The following PAK1 variants were observed in gnomAD, a reference collection of about 807,000 sequenced individuals.
PAK1 encodes the protein serine/threonine-protein kinase PAK 1.
Under a neutral mutation model 67.4 loss-of-function variants are expected in PAK1, and 29 were observed. The observed-to-expected ratio is 0.43, with a 90% CI of 0.32 to 0.59. The LOEUF (loss-of-function observed/expected upper bound fraction) is 0.59. PAK1 is among the 20% of genes least tolerant of loss of function. The probability of loss-of-function intolerance (pLI) is 0.07; values close to 1 mark genes in which losing one functional copy is unlikely to be tolerated. For synonymous variants in PAK1, 223 were observed against 237.4 expected (o/e 0.94, Z 0.56); for missense variants, 337 against 670.7 (o/e 0.50, Z 5.50).
intron 1 of PAK1, among the ~76,000 whole-genome samples, chr11:77,464,048 AAT>A (rs1408234730): frequency 6.6e-6 from 1 of 152,266 alleles, no homozygotes; most frequent in Admixed American, 6.5e-5. Flanking sequence ...ATAAAAAGTT[AAT>A]GAGTTATTTT....
intron 12 of PAK1, 46 bp downstream of exon 12, chr11:77,337,278 G>A: frequency 2.1e-6 from 2 of 948,808 alleles, no homozygotes; most frequent in South Asian, 1.4e-5. Context: ...AGGAGACAGG[G>A]CCCCACAGGC....
At chr11:77,408,762 A>G (rs900068468) in intron 1 of PAK1, among the ~76,000 whole-genome samples, 1 of 152,208 alleles carries the variant, frequency 6.6e-6, no homozygotes, top group African/African-American at 2.4e-5. Flanking sequence ...ACGAGAATAT[A>G]TAAGGCGCTC....
At position 77,391,856 on chromosome 11, in the gene PAK1, C is replaced by T. The variant is rs1565655958; in HGVS notation, c.190+475G>A. On this transcript the variant is annotated intron_variant, in intron 2 of 14. Transcript: ENST00000356341. ...TGCTGAATGCTAGTTATCTCTGCAT[C>T]CTTTTCTCAGCTGTTACTTGCCATT... Among the ~76,000 whole-genome samples the T allele has an allele frequency of 1.3e-5, 2 of 152,292 alleles. 1 individual carries two copies. The highest frequency in any genetic ancestry group is 4.1e-4 in the South Asian group (2 of 4,822).
intron 2 of PAK1, among the ~76,000 whole-genome samples, chr11:77,388,114 G>A (rs1462602960): frequency 2.6e-5 from 4 of 152,190 alleles, no homozygotes; most frequent in South Asian, 2.1e-4. Flanking sequence ...TTATAACTCT[G>A]TATGTTTTCT....
intron 5 of PAK1, among the ~76,000 whole-genome samples, chr11:77,365,787 C>T (rs1330414054): frequency 6.6e-6 from 1 of 151,558 alleles, no homozygotes; most frequent in Non-Finnish European, 1.5e-5. Flanking sequence ...GAACCAAGAT[C>T]GCACCACTGT....
chr11:77,422,477 C>T lies in PAK1; in HGVS notation c.-21-29936G>A, dbSNP rs548585540. ...CTGAGGCAGGGAGAAATCACTTGAACCCAGGAGGCGGAGGTTGCAGTAAGC... is the reference window on the plus strand; with the variant it reads ...CTGAGGCAGGGAGAAATCACTTGAATCCAGGAGGCGGAGGTTGCAGTAAGC... On this transcript the variant is annotated intron_variant, in intron 1 of 14. Coordinates refer to ENST00000356341, the MANE Select transcript of PAK1 (RefSeq NM_002576.5). Among the ~76,000 whole-genome samples, 3 of 151,924 alleles carry T rather than the reference C, an allele frequency of 2.0e-5. No homozygotes were observed. In the South Asian group the frequency reaches 6.3e-4, roughly 32 times the overall value.
chr11:77,399,633 G>A (rs1304836601), intron 1 of PAK1, among the ~76,000 whole-genome samples: 1 of 151,890 alleles, frequency 6.6e-6, no homozygotes, highest in Non-Finnish European at 1.5e-5. Context: ...GCCGAGGCTG[G>A]CGGATCACGA....
Position 77,358,946 on chromosome 11 carries a change from A to G in PAK1, c.549T>C (p.Asp183=), listed in dbSNP as rs1317881043. 6.3e-7 allele frequency: 1 copy of G among 1,591,164 alleles called. No homozygotes were observed. Residue 183 remains aspartate, a synonymous_variant, in exon 6 of 15, where the codon GAT becomes GAC. Coordinates refer to ENST00000356341, the MANE Select transcript of PAK1 (RefSeq NM_002576.5). ...VSEDEDDDDD[D]ATPPPVIAPR... is the part of the protein sequence containing the mutation. ...GAGCAATCACTGGTGGTGGGGTAGC[A>G]TCATCATCATCATCATCCTCATCTT...
intron 9 of PAK1, among the ~76,000 whole-genome samples, chr11:77,348,191 T>A (rs1027990955): frequency 3.3e-5 from 5 of 152,328 alleles, no homozygotes; most frequent in African/African-American, 1.2e-4. Flanking sequence ...GCAGCCTCCC[T>A]CACAGAAGCC....
intron 1 of PAK1, among the ~76,000 whole-genome samples, chr11:77,414,980 CTAA>C (rs1015185025): frequency 1.5e-4 from 23 of 152,118 alleles, no homozygotes; most frequent in Admixed American, 1.4e-3. Context: ...GAAAACACAT[CTAA>C]TAAAAGGCTT....
intron 1 of PAK1, among the ~76,000 whole-genome samples, chr11:77,439,427 G>C (rs778858363): frequency 3.9e-5 from 6 of 152,074 alleles, no homozygotes; most frequent in Non-Finnish European, 8.8e-5. Flanking sequence ...AGAAGTACAG[G>C]GCTCACCAAC....
At chr11:77,389,917 T>G (rs1362425120) in intron 2 of PAK1, among the ~76,000 whole-genome samples, 2 of 152,226 alleles carry the variant, frequency 1.3e-5, no homozygotes, top group Admixed American at 6.5e-5. Context: ...CAAGAACAAT[T>G]TAAACTTTTT....
intron 1 of PAK1, among the ~76,000 whole-genome samples, chr11:77,408,426 G>GA: frequency 6.6e-6 from 1 of 151,448 alleles, no homozygotes; most frequent in East Asian, 1.9e-4. Context: ...CTCAAGAAAA[G>GA]AAAAAGAAAA....
intron 2 of PAK1, among the ~76,000 whole-genome samples, chr11:77,380,275 C>T (rs1050986969): frequency 6.6e-6 from 1 of 152,134 alleles, no homozygotes; most frequent in African/African-American, 2.4e-5. Flanking sequence ...AGGCAGATTG[C>T]TTGAGTCCAG....
chr11:77,332,083 G>A (rs1303703382), intron 14 of PAK1, among the ~76,000 whole-genome samples: 2 of 151,298 alleles, frequency 1.3e-5, no homozygotes, highest in Non-Finnish European at 2.9e-5. Flanking sequence ...TGCGCAGATC[G>A]CTTGAACCCA....
At chr11:77,498,923 A>T in the PAK1 span, among the ~76,000 whole-genome samples, 1 of 151,374 alleles carries the variant, frequency 6.6e-6, no homozygotes, top group Non-Finnish European at 1.5e-5. Flanking sequence ...GTGGTCTCGA[A>T]CTCCTGACCT....
At chr11:77,366,103 C>T (rs2136771818) in intron 5 of PAK1, among the ~76,000 whole-genome samples, 1 of 152,174 alleles carries the variant, frequency 6.6e-6, no homozygotes, top group Non-Finnish European at 1.5e-5. Flanking sequence ...GAAATCTATA[C>T]CCAACAAAAC....
rs190851031 is a variant in PAK1 at position 77,394,389 on chromosome 11, C to T, written c.-21-1848G>A. Among the ~76,000 whole-genome samples, 6 of 152,100 alleles carry T rather than the reference C, an allele frequency of 3.9e-5. No homozygotes were observed. In the East Asian group the frequency reaches 9.7e-4, roughly 24 times the overall value. The stretch of plus-strand genomic sequence containing the variant: ...AATGCCAGTCAGATTTGAATACTAC[C>T]GCTTTAGGCATCAATTACTTAAAAT... On this transcript the variant is annotated intron_variant, in intron 1 of 14. Coordinates refer to ENST00000356341, the MANE Select transcript of PAK1 (RefSeq NM_002576.5).
At chr11:77,404,946 T>C (rs562845) in intron 1 of PAK1, among the ~76,000 whole-genome samples, 36,825 of 152,096 alleles carry the variant, frequency 0.24, 5,076 homozygotes, top group Non-Finnish European at 0.31. Flanking sequence ...CACAAATAAA[T>C]ACACAATATC....
Sources: gnomAD v4.1 joint callset for allele counts (sites outside exome capture counted in the v4.1 genomes callset) on GRCh38, gnomAD v4.1.1 for gene constraint, MANE v1.5 for transcripts, NCBI Gene and HGNC (gene_info 2026-07-23, HGNC 2026-07-21) for gene names.